Variants in SPEN observed in about 807,000 individuals in gnomAD.
SPEN encodes msx2-interacting protein.
Under a neutral mutation model 269.9 loss-of-function variants are expected in SPEN, and 18 were observed. The ratio of observed to expected loss-of-function variants is 0.07; its 90% CI spans 0.05 to 0.10. SPEN has a LOEUF of 0.10. SPEN is among the 10% of genes least tolerant of loss of function. The pLI is 1.00. For synonymous variants in SPEN, 1,726 were observed against 1,765.7 expected (o/e 0.98, Z 0.56); for missense variants, 3,822 against 4,631.2 (o/e 0.83, Z 5.07).
intron 3 of SPEN, among the ~76,000 whole-genome samples, chr1:15,899,968 C>G (rs1265164528): frequency 1.3e-5 from 2 of 152,020 alleles, no homozygotes; most frequent in African/African-American, 4.8e-5. Flanking sequence ...GCCTCAGCCT[C>G]CTGAGTAGCT....
chr1:15,882,264 AT>A (rs2070692839), intron 3 of SPEN, among the ~76,000 whole-genome samples: 1 of 152,124 alleles, frequency 6.6e-6, no homozygotes. Flanking sequence ...AAATGCGTAA[AT>A]TCCACAGAAG....
chr1:15,878,171 A>G (rs1449889361), intron 3 of SPEN, among the ~76,000 whole-genome samples: 1 of 152,166 alleles, frequency 6.6e-6, no homozygotes, highest in Non-Finnish European at 1.5e-5. Flanking sequence ...CAATTTGTTA[A>G]TCCCACATGT....
Position 15,847,952 on chromosome 1 carries a change from G to T in SPEN, c.-116G>T, listed in dbSNP as rs1414771762. On this transcript the variant is annotated 5_prime_UTR_variant, in exon 1 of 15. Coordinates refer to ENST00000375759, the MANE Select transcript of SPEN (RefSeq NM_015001.3). ...CGGAGGAGCCGCCGCCGCTGCCGAC[G>T]CCACCGCCGCAGCCGCCGCCGCCGC... The T allele has an allele frequency of 6.2e-6, 3 of 482,894 alleles. No individual in the cohort carries two copies. In the South Asian group the frequency reaches 2.9e-4, roughly 47 times the overall value. 29.9% of individuals were successfully genotyped at this position (482,894 alleles called of 1,614,324 possible).
Position 15,909,343 on chromosome 1 carries a change from A to C in SPEN, c.904A>C (p.Ser302Arg). 6.2e-7 allele frequency: 1 copy of C among 1,612,478 alleles called. No homozygotes were observed. The highest frequency in any genetic ancestry group is 8.5e-7 in the Non-Finnish European group (1 of 1,179,530). The stretch of plus-strand genomic sequence containing the variant: ...CAGCAGTGATTCCAGCAGTAGTTCA[A>C]GTGATGATTCTCCAGCTCGATCAGT... ...SDSSDSSSSS[S>R]DDSPARSVQS... Residue 302 changes from serine (S) to arginine (R), a missense_variant, in exon 4 of 15, where the codon AGT (serine) becomes CGT (arginine). Coordinates refer to ENST00000375759, the MANE Select transcript of SPEN (RefSeq NM_015001.3).
chr1:15,939,011 T>A lies in SPEN; in HGVS notation c.10863+135T>A. On this transcript the variant is annotated intron_variant, in intron 14 of 14. Transcript: ENST00000375759. The surrounding 1 kb of genome is among the most constrained non-coding windows in gnomAD (Gnocchi z 4.1). ...AAGGGGCATTTTGGACAGAAGTCAGTAGAGCACATGGGGCGGGGCGCCATC... is the reference window on the plus strand; with the variant it reads ...AAGGGGCATTTTGGACAGAAGTCAGAAGAGCACATGGGGCGGGGCGCCATC... 1 of 1,196,472 alleles carries A rather than the reference T, an allele frequency of 8.4e-7. No homozygotes were observed. Among genetic ancestry groups the A allele is most frequent in the Non-Finnish European group, 1.2e-6 (1 of 856,504 alleles). 74.1% of individuals were successfully genotyped at this position (1,196,472 alleles called of 1,614,324 possible). A position where few individuals can be genotyped will look rare whatever the true frequency, so the allele number is the denominator to read the frequency against.
intron 7 of SPEN, 68 bp from the exon 8 acceptor site, chr1:15,919,336 G>A (rs2071094964): frequency 1.9e-6 from 2 of 1,041,692 alleles, no homozygotes; most frequent in African/African-American, 3.2e-5. Flanking sequence ...CCAGTTTTCT[G>A]AGAATTCTGT....
rs1172519195 is a variant in SPEN at position 15,932,573 on chromosome 1, G to C, written c.6333G>C (p.Glu2111Asp). The change falls in exon 11 of 15, where the codon GAG becomes GAC. Residue 2111 changes from glutamate (E) to aspartate (D), a missense_variant. Coordinates refer to ENST00000375759, the MANE Select transcript of SPEN (RefSeq NM_015001.3). This position sits in a 1 kb window ranked among gnomAD's most constrained non-coding sequence, Gnocchi z 4.2. ...SPRGAAAQAG[E>D]RESGVVAVSP... is the part of the protein sequence containing the mutation. ...GGGGGGCTGCAGCACAGGCAGGGGA[G>C]AGGGAATCTGGGGTGGTGGCAGTCT... 37 of 1,602,238 alleles carry C rather than the reference G, an allele frequency of 2.3e-5. No homozygotes were observed. The highest frequency in any genetic ancestry group is 3.0e-5 in the Non-Finnish European group (35 of 1,172,850).
chr1:15,872,762 T>C, intron 1 of SPEN, 54 bp from the exon 2 acceptor site: 4 of 1,437,934 alleles, frequency 2.8e-6, no homozygotes, highest in African/African-American at 1.4e-5. Context: ...ATCTAAAAAC[T>C]CATTTTGGAA....
intron 2 of SPEN, among the ~76,000 whole-genome samples, chr1:15,875,250 G>A (rs2070619155): frequency 6.8e-6 from 1 of 146,316 alleles, no homozygotes; most frequent in South Asian, 2.2e-4. Flanking sequence ...TTTTTAGGTT[G>A]ACAGGTATTC....
chr1:15,856,565 CTTT>C (rs34812900), intron 1 of SPEN, among the ~76,000 whole-genome samples: 10 of 102,492 alleles, frequency 9.8e-5, no homozygotes, highest in Admixed American at 1.1e-4. Flanking sequence ...CTGCCAGATA[CTTT>C]TTTTTTTTTT....
Position 15,873,209 on chromosome 1 carries a change from G to A in SPEN, c.404+73G>A. 2.7e-6 allele frequency: 4 copies of A among 1,480,378 alleles called. No individual in the cohort carries two copies. The South Asian group carries it at 4.3e-5, about 16-fold the overall frequency. The allele number at this position is 1,480,378 out of a possible 1,614,324, so 91.7% of individuals were successfully genotyped here. On this transcript the variant is annotated intron_variant, in intron 2 of 14. Coordinates refer to ENST00000375759, the MANE Select transcript of SPEN (RefSeq NM_015001.3). ...GAGAAACAGAAACTCATATTTAGGGGCCCCAGATGGATTTAAAGTTTTGGG... is the reference window on the plus strand; with the variant it reads ...GAGAAACAGAAACTCATATTTAGGGACCCCAGATGGATTTAAAGTTTTGGG...
Position 15,934,798 on chromosome 1 carries a change from A to G in SPEN, c.8558A>G (p.Lys2853Arg). The G allele has an allele frequency of 1.2e-6, 2 of 1,614,188 alleles. No homozygotes were observed. Among genetic ancestry groups the G allele is most frequent in the Non-Finnish European group, 8.5e-7 (1 of 1,180,032 alleles). Residue 2853 changes from lysine to arginine, a missense_variant, in exon 11 of 15, where the codon AAG (lysine) becomes AGG (arginine). Lys to Arg is a conservative substitution (Grantham distance 26, BLOSUM62 2). Around this residue, in one of 16 missense-constraint regions of SPEN, gnomAD observed 329 missense variants for 431.2 expected, o/e 0.76. Transcript: ENST00000375759. The surrounding 1 kb of genome is among the most constrained non-coding windows in gnomAD (Gnocchi z 9.2). ...MDIEFQQSVS[K>R]SQVKPDSVTA... The stretch of plus-strand genomic sequence containing the variant: ...ATTGAATTTCAGCAGTCAGTGTCCA[A>G]GTCCCAGGTCAAACCTGATTCTGTC...
At chr1:15,905,418 C>T (rs2070946261) in intron 3 of SPEN, among the ~76,000 whole-genome samples, 1 of 151,166 alleles carries the variant, frequency 6.6e-6, no homozygotes, top group African/African-American at 2.4e-5. Context: ...GATGGGGTTT[C>T]ACCATGTTGG....
intron 1 of SPEN, among the ~76,000 whole-genome samples, chr1:15,857,514 G>A (rs370557264): frequency 6.6e-6 from 1 of 151,422 alleles, no homozygotes. Context: ...GTGCTACCAC[G>A]CCCAGCTAGT....
Position 15,932,042 on chromosome 1 carries a change from G to T in SPEN, c.5802G>T (p.Leu1934Phe). ...AACCAAGAGTGACCAGAAAGAGATT[G>T]GAGCGAGAGCTTCAGGAGGCTGCAG... ...VEQPRVTRKR[L>F]ERELQEAAAV... The change falls in exon 11 of 15, where the codon TTG becomes TTT. Residue 1934 changes from leucine (L) to phenylalanine (F), a missense_variant. Physicochemically the swap from Leu to Phe is conservative, Grantham distance 22. Transcript: ENST00000375759. This position sits in a 1 kb window ranked among gnomAD's most constrained non-coding sequence, Gnocchi z 4.2. 1 of 1,614,206 alleles carries T rather than the reference G, an allele frequency of 6.2e-7. No homozygotes were observed. Among genetic ancestry groups the T allele is most frequent in the Non-Finnish European group, 8.5e-7 (1 of 1,180,038 alleles).
Position 15,939,501 on chromosome 1 carries a change from C to T in SPEN, c.*74C>T. 6.9e-7 allele frequency: 1 copy of T among 1,453,228 alleles called. No homozygotes were observed. The highest frequency in any genetic ancestry group is 1.5e-5 in the South Asian group (1 of 67,286). 90.0% of individuals were successfully genotyped at this position (1,453,228 alleles called of 1,614,324 possible). ...AAAAACAAAGGACAACCCAGCCAAG[C>T]AGAGGAAGAAGCTGCCGAAGGGGAC... On this transcript the variant is annotated 3_prime_UTR_variant, in exon 15 of 15. Transcript: ENST00000375759. This position sits in a 1 kb window ranked among gnomAD's most constrained non-coding sequence, Gnocchi z 4.1.
chr1:15,906,773 CTTTT>C (rs1229092780), intron 3 of SPEN, among the ~76,000 whole-genome samples: 3 of 96,504 alleles, frequency 3.1e-5, no homozygotes, highest in Admixed American at 1.1e-4. Flanking sequence ...ATGTTTTCAT[CTTTT>C]TTTTTTTTTT....
rs140970181 is a variant in SPEN at position 15,937,923 on chromosome 1, T to A, written c.10621T>A (p.Ser3541Thr). 21 of 1,614,048 alleles carry A rather than the reference T, an allele frequency of 1.3e-5. No individual in the cohort carries two copies. Among genetic ancestry groups the A allele is most frequent in the Non-Finnish European group, 1.8e-5 (21 of 1,180,028 alleles). ...CCTGGCCCATCGGTCCCTGCCCCTT[T>A]CTGAAGGAGGGCCCCCACTAAGGAT... The part of the protein sequence containing the change: ...NVLAHRSLPL[S>T]EGGPPLRIAQ... Residue 3541 changes from serine (S) to threonine (T), a missense_variant, in exon 13 of 15, where the codon TCT becomes ACT. Coordinates refer to ENST00000375759, the MANE Select transcript of SPEN (RefSeq NM_015001.3). The surrounding 1 kb of genome is among the most constrained non-coding windows in gnomAD (Gnocchi z 5.7).
intron 3 of SPEN, among the ~76,000 whole-genome samples, chr1:15,887,525 G>C (rs2070748327): frequency 6.7e-6 from 1 of 150,144 alleles, no homozygotes; most frequent in South Asian, 2.1e-4. Flanking sequence ...TTGATCTCCT[G>C]ACCTCATGAT....
Sources: allele counts gnomAD v4.1 joint callset (sites outside exome capture counted in the v4.1 genomes callset), GRCh38; gene constraint gnomAD v4.1.1; regional missense constraint gnomAD v4.1.1; non-coding constraint Gnocchi (gnomAD v3.1); transcripts MANE v1.5; gene names NCBI Gene and HGNC (gene_info 2026-07-23, HGNC 2026-07-21).